The following PCSK6 variants were observed in gnomAD, a reference collection of about 807,000 sequenced individuals.
PCSK6 encodes paired basic amino acid cleaving enzyme 4.
PCSK6 carries 85 observed loss-of-function variants against 123.3 expected under a neutral mutation model. The observed-to-expected ratio is 0.69, with a 90% CI of 0.58 to 0.83. The LOEUF is 0.83. Ranked by LOEUF, PCSK6 falls within the 40% of genes least tolerant of loss-of-function variation. PCSK6 has a pLI of 0.00. For synonymous variants in PCSK6, 508 were observed against 516.0 expected (o/e 0.98, Z 0.21); for missense variants, 1,191 against 1,282.3 (o/e 0.93, Z 1.09).
chr15:101,321,375 C>T (rs1458466124), intron 18 of PCSK6, among the ~76,000 whole-genome samples: 3 of 152,284 alleles, frequency 2.0e-5, no homozygotes, highest in Admixed American at 1.3e-4. Context: ...TCCTCTTCTC[C>T]CCAGTACTCT....
chr15:101,434,996 G>C (rs2056555870), intron 2 of PCSK6, among the ~76,000 whole-genome samples: 1 of 152,202 alleles, frequency 6.6e-6, no homozygotes. Flanking sequence ...CAACAAAAAT[G>C]CACTGAGTCT....
Position 101,381,965 on chromosome 15 carries a change from ATGCATCG to A in PCSK6, c.1532+120_1532+126del, listed in dbSNP as rs554170313. 396 of 643,734 alleles carry A rather than the reference ATGCATCG, an allele frequency of 6.2e-4. 2 individuals carry two copies. In the East Asian group the frequency reaches 8.7e-3, roughly 14 times the overall value. 39.9% of individuals were successfully genotyped at this position (643,734 alleles called of 1,614,324 possible). On this transcript the variant is annotated intron_variant, in intron 11 of 21. Coordinates refer to ENST00000611716, the MANE Select transcript of PCSK6 (RefSeq NM_002570.5). ...AGAGAAAACGCAGACGTGTGCAGGC[ATGCATCG>A]TGCACACGCACATGTGCACAGAATG...
At chr15:101,321,671 C>T (rs1416553964) in intron 18 of PCSK6, among the ~76,000 whole-genome samples, 1 of 152,262 alleles carries the variant, frequency 6.6e-6, no homozygotes, top group Non-Finnish European at 1.5e-5. Flanking sequence ...GGGTGTGTTG[C>T]AGCCCTCCAC....
chr15:101,328,367 G>A (rs1378683022), intron 15 of PCSK6, among the ~76,000 whole-genome samples: 1 of 152,192 alleles, frequency 6.6e-6, no homozygotes, highest in Non-Finnish European at 1.5e-5. Context: ...ACACGGAATG[G>A]GAGACGGGCG....
intron 6 of PCSK6, among the ~76,000 whole-genome samples, chr15:101,402,881 G>C (rs1319676582): frequency 6.6e-6 from 1 of 152,092 alleles, no homozygotes; most frequent in Non-Finnish European, 1.5e-5. Flanking sequence ...CAGGGATCTA[G>C]AACTAGAAAT....
chr15:101,318,547 T>C (rs1353882834), intron 18 of PCSK6, 125 bp from the exon 19 acceptor site: 1 of 806,646 alleles, frequency 1.2e-6, no homozygotes, highest in Non-Finnish European at 2.0e-6. Flanking sequence ...TCACCGAAAG[T>C]TCTCAGCTAA....
chr15:101,372,326 C>T (rs1567172256), intron 11 of PCSK6, among the ~76,000 whole-genome samples: 1 of 152,228 alleles, frequency 6.6e-6, no homozygotes, highest in Non-Finnish European at 1.5e-5. Context: ...TGCTCAGAGC[C>T]TCTCAGGAGT....
chr15:101,315,176 A>G (rs971607819), intron 19 of PCSK6, among the ~76,000 whole-genome samples: 1 of 152,252 alleles, frequency 6.6e-6, no homozygotes, highest in Non-Finnish European at 1.5e-5. Flanking sequence ...TTGTTAAAAC[A>G]CATTTATTTG....
intron 18 of PCSK6, among the ~76,000 whole-genome samples, chr15:101,320,316 C>G (rs2040090055): frequency 1.3e-5 from 2 of 152,126 alleles, no homozygotes. Flanking sequence ...GAACTCCTAG[C>G]CTCAAGTGAT....
intron 1 of PCSK6, among the ~76,000 whole-genome samples, chr15:101,461,983 A>C (rs1220204705): frequency 6.6e-6 from 1 of 152,234 alleles, no homozygotes; most frequent in Non-Finnish European, 1.5e-5. Flanking sequence ...AGCCATGATA[A>C]ATAAATAATT....
chr15:101,401,163 T>C (rs563345845), intron 6 of PCSK6, among the ~76,000 whole-genome samples: 1 of 152,192 alleles, frequency 6.6e-6, no homozygotes, highest in African/African-American at 2.4e-5. Flanking sequence ...ACCAAGGCAA[T>C]AGCAAGGTTG....
At chr15:101,443,944 C>T (rs540364050) in intron 1 of PCSK6, among the ~76,000 whole-genome samples, 1 of 152,342 alleles carries the variant, frequency 6.6e-6, no homozygotes, top group African/African-American at 2.4e-5. Context: ...AAAGTTTGGA[C>T]TATCATGGCC....
chr15:101,389,966 G>A (rs964754798), intron 8 of PCSK6, among the ~76,000 whole-genome samples: 7 of 152,140 alleles, frequency 4.6e-5, no homozygotes, highest in Admixed American at 1.3e-4. Flanking sequence ...GAGTACCCAC[G>A]GCAAAACCAT....
chr15:101,318,967 T>C (rs188427823), intron 18 of PCSK6, among the ~76,000 whole-genome samples: 1 of 152,212 alleles, frequency 6.6e-6, no homozygotes, highest in Non-Finnish European at 1.5e-5. Context: ...ATGCAGCCCC[T>C]ACCTTCCTCT....
In PCSK6 at chr15:101,398,467, G is replaced by T. The variant is rs567006763; in HGVS notation, c.933C>A (p.Asp311Glu). ...GGCCGGGCCCGTCCACCGTCTTGCC[G>T]TCGTCGTCCGGCCCCCAGCTGGCAC... ...IYSASWGPDD[D>E]GKTVDGPGRL... is the part of the protein sequence containing the mutation. Residue 311 changes from aspartate to glutamate, a missense_variant, in exon 7 of 22, where the codon GAC becomes GAA. Around this residue, in one of 3 missense-constraint regions of PCSK6, gnomAD observed 357 missense variants for 484.5 expected, o/e 0.74. Transcript: ENST00000611716. The surrounding 1 kb of genome is among the most constrained non-coding windows in gnomAD (Gnocchi z 4.6). 1 of 1,613,946 alleles carries T rather than the reference G, an allele frequency of 6.2e-7. No homozygotes were observed. The highest frequency in any genetic ancestry group is 1.7e-4 in the Middle Eastern group (1 of 6,058).
chr15:101,441,512 A>T (rs2056753266), intron 2 of PCSK6, among the ~76,000 whole-genome samples: 1 of 152,112 alleles, frequency 6.6e-6, no homozygotes, highest in African/African-American at 2.4e-5. Flanking sequence ...TGCACCATTA[A>T]TATTTTTGGA....
intron 15 of PCSK6, among the ~76,000 whole-genome samples, chr15:101,328,468 G>A (rs931622114): frequency 6.6e-6 from 1 of 152,182 alleles, no homozygotes; most frequent in African/African-American, 2.4e-5. Context: ...CGGATGAGAG[G>A]AGGGTGGCTA....
At chr15:101,481,438 G>C (rs567491938) in intron 1 of PCSK6, among the ~76,000 whole-genome samples, 1 of 152,304 alleles carries the variant, frequency 6.6e-6, no homozygotes, top group East Asian at 1.9e-4. Flanking sequence ...AGCCGTTCTG[G>C]GCAGGAAGAA....
chr15:101,428,652 C>A (rs578123606), intron 5 of PCSK6, among the ~76,000 whole-genome samples: 1 of 152,198 alleles, frequency 6.6e-6, no homozygotes, highest in Non-Finnish European at 1.5e-5. Flanking sequence ...GTTCCTCCAG[C>A]GGGGGCCAAA....
Sources: gnomAD v4.1 joint callset for allele counts (sites outside exome capture counted in the v4.1 genomes callset) on GRCh38, gnomAD v4.1.1 for gene constraint, gnomAD v4.1.1 regional missense constraint, Gnocchi (gnomAD v3.1) non-coding constraint, MANE v1.5 for transcripts, NCBI Gene and HGNC (gene_info 2026-07-23, HGNC 2026-07-21) for gene names.